GRIN3A: variants seen among roughly 807,000 people sequenced by gnomAD.
The protein encoded by GRIN3A is glutamate receptor ionotropic, NMDA 3A.
GRIN3A carries 47 observed loss-of-function variants against 92.4 expected under a neutral mutation model. That is an observed-to-expected ratio of 0.51 (90% CI 0.40 to 0.65). GRIN3A has a LOEUF of 0.65. GRIN3A is among the 30% of genes least tolerant of loss of function. The pLI is 0.00. For missense variants in GRIN3A, 1,324 were observed against 1,393.1 expected (o/e 0.95, Z 0.79); for synonymous variants, 527 against 540.6 (o/e 0.97, Z 0.35).
chr9:101,636,950 A>G (rs897968565), intron 3 of GRIN3A, among the ~76,000 whole-genome samples: 7 of 152,192 alleles, frequency 4.6e-5, no homozygotes, highest in African/African-American at 9.7e-5. Flanking sequence ...TATCGGCTAC[A>G]TTTTCTAAAA....
intron 1 of GRIN3A, among the ~76,000 whole-genome samples, chr9:101,724,499 C>T (rs924449202): frequency 2.0e-5 from 3 of 152,174 alleles, no homozygotes; most frequent in African/African-American, 4.8e-5. Context: ...CCCTCCGCAC[C>T]TCCCTGCAAG....
chr9:101,603,968 T>A lies in GRIN3A; in HGVS notation c.2766+9408A>T, dbSNP rs572657797. ...GGCCTTGTTTGTGTCACGGCTTACC[T>A]TATGTCTTCATTTATTGCTGCCCCT... On this transcript the variant is annotated intron_variant, in intron 6 of 8. Coordinates refer to ENST00000361820, the MANE Select transcript of GRIN3A (RefSeq NM_133445.3). 5.9e-5 allele frequency among the ~76,000 whole-genome samples: 9 copies of A among 152,368 alleles called. No homozygotes were observed. The South Asian group carries it at 6.2e-4, about 11-fold the overall frequency.
In GRIN3A at chr9:101,670,609, C is replaced by A. The variant is rs144976781; in HGVS notation, c.1803G>T (p.Gly601=). Residue 601 remains glycine, a synonymous_variant, in exon 3 of 9, where the codon GGG becomes GGT. Transcript: ENST00000361820. ...MNFDFDLYIV[G]DGKYGAWKNG... ...TTTTCCATGCTCCATACTTTCCATCCCCTACAATATAGAGGTCGAAGTCAA... is the reference window on the plus strand; with the variant it reads ...TTTTCCATGCTCCATACTTTCCATCACCTACAATATAGAGGTCGAAGTCAA... 79 of 1,613,930 alleles carry A rather than the reference C, an allele frequency of 4.9e-5. No individual in the cohort carries two copies. In the African/African-American group the frequency reaches 1.0e-3, roughly 21 times the overall value.
At chr9:101,703,020 C>T (rs565726937) in intron 1 of GRIN3A, among the ~76,000 whole-genome samples, 26 of 152,326 alleles carry the variant, frequency 1.7e-4, no homozygotes, top group South Asian at 6.2e-4. Flanking sequence ...ACCTGGTCTA[C>T]GGTGACAGAC....
intron 1 of GRIN3A, among the ~76,000 whole-genome samples, chr9:101,722,088 G>A (rs1830020170): frequency 6.6e-6 from 1 of 152,188 alleles, no homozygotes. Flanking sequence ...GAAAATGCCA[G>A]GGTCTCTGTG....
intron 3 of GRIN3A, among the ~76,000 whole-genome samples, chr9:101,661,079 T>C (rs763803672): frequency 6.6e-6 from 1 of 151,862 alleles, no homozygotes; most frequent in Non-Finnish European, 1.5e-5. Flanking sequence ...AATTTGCTCC[T>C]GAAAGCCTCT....
At position 101,579,270 on chromosome 9, in the gene GRIN3A, G is replaced by C. The variant is rs761003206; in HGVS notation, c.2857C>G (p.His953Asp). 6.2e-7 allele frequency: 1 copy of C among 1,613,990 alleles called. No individual in the cohort carries two copies. The highest frequency in any genetic ancestry group is 1.1e-5 in the South Asian group (1 of 91,076). Residue 953 changes from histidine (H) to aspartate (D), a missense_variant, in exon 7 of 9, where the codon CAC becomes GAC. Physicochemically the swap from His to Asp is moderately conservative, Grantham distance 81 (BLOSUM62 -1). Transcript: ENST00000361820. The part of the protein sequence containing the change: ...GLSILTTIGE[H>D]IVYRLLLPRI... ...GGTAGCAGCAGCCTGTATACTATGT[G>C]CTCACCAATGGTGGTCAAAATGGAC...
At chr9:101,573,636 C>G (rs1827790229) in intron 8 of GRIN3A, 123 bp from the exon 9 acceptor site, 3 of 794,116 alleles carry the variant, frequency 3.8e-6, no homozygotes, top group Non-Finnish European at 6.4e-6. Flanking sequence ...GATGAAGTAA[C>G]AAAGCCATGG....
intron 3 of GRIN3A, among the ~76,000 whole-genome samples, chr9:101,640,009 T>C (rs992041671): frequency 6.6e-6 from 1 of 152,248 alleles, no homozygotes; most frequent in African/African-American, 2.4e-5. Flanking sequence ...TCTGGAATGC[T>C]CAGAGAATCA....
At chr9:101,728,563 T>G (rs529716170) in intron 1 of GRIN3A, among the ~76,000 whole-genome samples, 67 of 152,334 alleles carry the variant, frequency 4.4e-4, no homozygotes, top group Admixed American at 8.5e-4. Context: ...ATCTGCATTT[T>G]CAGAAAAATT....
chr9:101,700,917 C>A (rs1026954003), intron 1 of GRIN3A, among the ~76,000 whole-genome samples: 2 of 152,092 alleles, frequency 1.3e-5, no homozygotes, highest in African/African-American at 4.8e-5. Context: ...GCTAAAATAA[C>A]ACATCTATTA....
chr9:101,697,703 A>G (rs1048610341), intron 1 of GRIN3A, among the ~76,000 whole-genome samples: 1 of 152,190 alleles, frequency 6.6e-6, no homozygotes, highest in African/African-American at 2.4e-5. Flanking sequence ...TGACTTTGTC[A>G]TTTGGTTTGG....
intron 2 of GRIN3A, among the ~76,000 whole-genome samples, chr9:101,679,098 C>T (rs62576306): frequency 0.13 from 20,295 of 152,130 alleles, 1,996 homozygotes; most frequent in African/African-American, 0.28. Context: ...CTTGGCATAG[C>T]CCTGGCAATA....
At position 101,719,173 on chromosome 9, in the gene GRIN3A, C is replaced by CT. The variant is rs372133302; in HGVS notation, c.699+18107dup. 1.6e-3 allele frequency among the ~76,000 whole-genome samples: 243 copies of CT among 152,192 alleles called. 1 individual carries two copies. The highest frequency in any genetic ancestry group is 3.8e-3 in the African/African-American group (158 of 41,526). On this transcript the variant is annotated intron_variant, in intron 1 of 8. Coordinates refer to ENST00000361820, the MANE Select transcript of GRIN3A (RefSeq NM_133445.3). The stretch of plus-strand genomic sequence containing the variant: ...GTGGCTCATGCCTGAAATCCCAGCA[C>CT]TTTGGGAGGCCGAAGCGGGCGGATC...
At chr9:101,608,250 T>A (rs1415788295) in intron 6 of GRIN3A, among the ~76,000 whole-genome samples, 1 of 152,174 alleles carries the variant, frequency 6.6e-6, no homozygotes, top group Non-Finnish European at 1.5e-5. Flanking sequence ...CTTTCCTCCC[T>A]TCTTCTCATT....
chr9:101,715,584 T>C (rs146731235), intron 1 of GRIN3A, among the ~76,000 whole-genome samples: 2,762 of 152,326 alleles, frequency 0.018, 94 homozygotes, highest in African/African-American at 0.063. Flanking sequence ...ATTTTTTTGA[T>C]TTTTATCATT....
chr9:101,593,452 C>T (rs1198242059), intron 6 of GRIN3A: 1 of 152,268 alleles, frequency 6.6e-6, no homozygotes, highest in African/African-American at 2.4e-5. Context: ...GTCTCTGCAT[C>T]TGTGAGCAAC....
rs564245286 is a variant in GRIN3A at position 101,650,024 on chromosome 9, G to A, written c.2352+20036C>T. Among the ~76,000 whole-genome samples the A allele has an allele frequency of 8.5e-5, 13 of 152,184 alleles. No homozygotes were observed. The East Asian group carries it at 2.5e-3, about 30-fold the overall frequency. ...AAACTTAAATATGTGGCTAGCTGATGTGCAAACCACGAACAGAGTAACACC... is the reference window on the plus strand; with the variant it reads ...AAACTTAAATATGTGGCTAGCTGATATGCAAACCACGAACAGAGTAACACC... On this transcript the variant is annotated intron_variant, in intron 3 of 8. Transcript: ENST00000361820.
chr9:101,634,831 A>G (rs1426648997), intron 3 of GRIN3A, among the ~76,000 whole-genome samples: 2 of 152,206 alleles, frequency 1.3e-5, no homozygotes, highest in Non-Finnish European at 2.9e-5. Context: ...AGTTCTCTAA[A>G]AGGGGGACAC....
Sources: gnomAD v4.1 joint callset for allele counts (sites outside exome capture counted in the v4.1 genomes callset) on GRCh38, gnomAD v4.1.1 for gene constraint, MANE v1.5 for transcripts, NCBI Gene and HGNC (gene_info 2026-07-23, HGNC 2026-07-21) for gene names.